BICD2: variants seen among roughly 807,000 people sequenced by gnomAD.
BICD2 encodes the protein protein bicaudal D homolog 2.
Under a neutral mutation model 72.9 loss-of-function variants are expected in BICD2, and 25 were observed. The observed-to-expected ratio is 0.34, with a 90% CI of 0.25 to 0.48. The LOEUF is 0.48. Ranked by LOEUF, BICD2 falls within the 20% of genes least tolerant of loss-of-function variation. The probability of loss-of-function intolerance (pLI) is 0.99; values close to 1 mark genes in which losing one functional copy is unlikely to be tolerated. For synonymous variants in BICD2, 501 were observed against 516.1 expected (o/e 0.97, Z 0.40); for missense variants, 894 against 1,175.2 (o/e 0.76, Z 3.50).
chr9:92,713,243 C>T lies in BICD2; in HGVS notation c.*1911G>A, dbSNP rs1204344760. The T allele has an allele frequency of 4.9e-6, 3 of 610,582 alleles. No homozygotes were observed. Among genetic ancestry groups the T allele is most frequent in the Non-Finnish European group, 8.5e-6 (3 of 352,580 alleles). 37.8% of individuals were successfully genotyped at this position (610,582 alleles called of 1,614,324 possible). A position where few individuals can be genotyped will look rare whatever the true frequency, so the allele number is the denominator to read the frequency against. ...CGGCCCATACAGAGGCCTTTCCACG[C>T]AGCAGCTCGCAGCATGCTCAACATT... On this transcript the variant is annotated 3_prime_UTR_variant, in exon 7 of 7. Transcript: ENST00000356884.
chr9:92,732,297 TCAAA>T (rs1198915836), intron 1 of BICD2, among the ~76,000 whole-genome samples: 1 of 151,724 alleles, frequency 6.6e-6, no homozygotes, highest in East Asian at 1.9e-4. Flanking sequence ...AAAGCAAGAC[TCAAA>T]CAGAGCATTG....
Position 92,713,785 on chromosome 9 carries a change from T to G in BICD2, c.*1369A>C. On this transcript the variant is annotated 3_prime_UTR_variant, in exon 7 of 7. Transcript: ENST00000356884. ...CACGCAGGGGACATACATGGGCGTG[T>G]CCTGGAGTCTGGAGGGGACCGAAAC... 8.2e-7 allele frequency: 1 copy of G among 1,224,144 alleles called. No individual in the cohort carries two copies. Among genetic ancestry groups the G allele is most frequent in the Non-Finnish European group, 1.0e-6 (1 of 970,388 alleles). 75.8% of individuals were successfully genotyped at this position (1,224,144 alleles called of 1,614,324 possible). A position where few individuals can be genotyped will look rare whatever the true frequency, so the allele number is the denominator to read the frequency against.
At chr9:92,730,365 A>G (rs1391279264) in intron 1 of BICD2, among the ~76,000 whole-genome samples, 1 of 152,254 alleles carries the variant, frequency 6.6e-6, no homozygotes, top group Non-Finnish European at 1.5e-5. Flanking sequence ...AAATCTAAGA[A>G]TTCAGTCCAA....
At chr9:92,716,527 T>A (rs1444008206) in intron 6 of BICD2, among the ~76,000 whole-genome samples, 1 of 136,346 alleles carries the variant, frequency 7.3e-6, no homozygotes, top group Non-Finnish European at 1.6e-5. Context: ...GCAGGCCCTA[T>A]GTGCATGCAG....
intron 2 of BICD2, 127 bp downstream of exon 2, chr9:92,728,897 A>C (rs1459547856): frequency 9.6e-7 from 1 of 1,039,532 alleles, no homozygotes; most frequent in Non-Finnish European, 1.4e-6. Flanking sequence ...CCAGGAAAGC[A>C]AGACAGACCA....
intron 1 of BICD2, among the ~76,000 whole-genome samples, chr9:92,731,364 G>T (rs1457399217): frequency 6.6e-6 from 1 of 152,062 alleles, no homozygotes; most frequent in Admixed American, 6.6e-5. Context: ...CTCCCAGCCT[G>T]GGGCCCAAAA....
chr9:92,720,776 T>C lies in BICD2; in HGVS notation c.607-21A>G. Reference sequence around the variant, plus strand: ...TCCACCTGGGAAGAGAAGTCAACGCTCTTGCATCAATGCAATGTGGAAGCT... The same window carrying C: ...TCCACCTGGGAAGAGAAGTCAACGCCCTTGCATCAATGCAATGTGGAAGCT... On this transcript the variant is annotated intron_variant, in intron 3 of 6. Transcript: ENST00000356884. The surrounding 1 kb of genome is among the most constrained non-coding windows in gnomAD (Gnocchi z 5.4). 6.2e-7 allele frequency: 1 copy of C among 1,607,828 alleles called. No homozygotes were observed. Among genetic ancestry groups the C allele is most frequent in the Non-Finnish European group, 8.5e-7 (1 of 1,176,442 alleles).
intron 6 of BICD2, among the ~76,000 whole-genome samples, chr9:92,717,028 C>T (rs571681660): frequency 2.0e-5 from 3 of 152,328 alleles, no homozygotes; most frequent in South Asian, 4.1e-4. Flanking sequence ...AGGTGGGACC[C>T]GAACTGTGGA....
chr9:92,758,487 G>T (rs1425314048), intron 1 of BICD2, among the ~76,000 whole-genome samples: 3 of 147,732 alleles, frequency 2.0e-5, no homozygotes, highest in Non-Finnish European at 4.4e-5. Context: ...GGGAAGCAGA[G>T]GTTACAGTGA....
rs1017065241 is a variant in BICD2 at position 92,714,407 on chromosome 9, C to T, written c.*747G>A. 12 of 985,378 alleles carry T rather than the reference C, an allele frequency of 1.2e-5. No homozygotes were observed. The highest frequency in any genetic ancestry group is 1.4e-5 in the Non-Finnish European group (12 of 829,970). The allele number at this position is 985,378 out of a possible 1,614,324, so 61.0% of individuals were successfully genotyped here. A position where few individuals can be genotyped will look rare whatever the true frequency, so the allele number is the denominator to read the frequency against. Reference sequence around the variant, plus strand: ...AAGCTTTTCTCATGAAAAATGAAAACCTGGGGCCTTGGGCCCTGCCAATCT... The same window carrying T: ...AAGCTTTTCTCATGAAAAATGAAAATCTGGGGCCTTGGGCCCTGCCAATCT... On this transcript the variant is annotated 3_prime_UTR_variant, in exon 7 of 7. Transcript: ENST00000356884.
chr9:92,755,340 G>A (rs542208891), intron 1 of BICD2, among the ~76,000 whole-genome samples: 6 of 152,242 alleles, frequency 3.9e-5, no homozygotes, highest in South Asian at 2.1e-4. Context: ...ATTTCGCCTC[G>A]GTCCTGTGGT....
intron 4 of BICD2, 71 bp from the exon 5 acceptor site, chr9:92,719,653 A>G: frequency 6.8e-7 from 1 of 1,461,968 alleles, no homozygotes; most frequent in Non-Finnish European, 9.1e-7. Flanking sequence ...GACCCCCAAG[A>G]TGGCCTAGTG....
Position 92,713,539 on chromosome 9 carries a change from C to G in BICD2, c.*1615G>C. 6.4e-7 allele frequency: 1 copy of G among 1,555,432 alleles called. No individual in the cohort carries two copies. Among genetic ancestry groups the G allele is most frequent in the Non-Finnish European group, 8.7e-7 (1 of 1,149,090 alleles). ...TTTATCTGACAATTGAAGCTCTCCA[C>G]GTGCTGGGAGGGCGCGAGCACGTTA... On this transcript the variant is annotated 3_prime_UTR_variant, in exon 7 of 7. Coordinates refer to ENST00000356884, the MANE Select transcript of BICD2 (RefSeq NM_001003800.2).
At chr9:92,751,603 A>C (rs893991602) in intron 1 of BICD2, among the ~76,000 whole-genome samples, 1 of 152,202 alleles carries the variant, frequency 6.6e-6, no homozygotes, top group African/African-American at 2.4e-5. Context: ...GAAACAATTA[A>C]GTTACTGGAT....
chr9:92,739,585 C>T (rs1178490343), intron 1 of BICD2, among the ~76,000 whole-genome samples: 3 of 152,334 alleles, frequency 2.0e-5, no homozygotes, highest in South Asian at 4.1e-4. Flanking sequence ...CAAGACCCGA[C>T]CCCCGACCAC....
chr9:92,717,953 G>C lies in BICD2; in HGVS notation c.2107-5C>G, dbSNP rs1853357091. ...GGCAAGGGCCACCTCGGCCGTCTGGGGGACAGATGTGTAGGGTGGAAAAGT... is the reference window on the plus strand; with the variant it reads ...GGCAAGGGCCACCTCGGCCGTCTGGCGGACAGATGTGTAGGGTGGAAAAGT... On this transcript the variant is annotated splice_polypyrimidine_tract_variant and splice_region_variant and intron_variant, in intron 5 of 6. Coordinates refer to ENST00000356884, the MANE Select transcript of BICD2 (RefSeq NM_001003800.2). 6.2e-7 allele frequency: 1 copy of C among 1,612,604 alleles called. No homozygotes were observed. The highest frequency in any genetic ancestry group is 8.5e-7 in the Non-Finnish European group (1 of 1,179,562).
chr9:92,718,681 C>A lies in BICD2; in HGVS notation c.1964G>T (p.Arg655Leu), dbSNP rs143242735. ...GGGGCCCAGCTCCTGAGAGGCAATG[C>A]GCTGGCGTGACAGCTCCGTGGTGCG... ...VDRTTELSRQ[R>L]IASQELGPAV... The change falls in exon 5 of 7, where the codon CGC (arginine) becomes CTC (leucine). Residue 655 changes from arginine (R) to leucine (L), a missense_variant. Arg to Leu is a moderately radical substitution (Grantham distance 102, BLOSUM62 -2). Around this residue, in one of 5 missense-constraint regions of BICD2, gnomAD observed 321 missense variants for 443.9 expected, o/e 0.72. Transcript: ENST00000356884. 7 of 1,614,124 alleles carry A rather than the reference C, an allele frequency of 4.3e-6. No homozygotes were observed. The highest frequency in any genetic ancestry group is 3.4e-6 in the Non-Finnish European group (4 of 1,180,028).
At chr9:92,721,926 C>A (rs1326044576) in intron 3 of BICD2, among the ~76,000 whole-genome samples, 1 of 152,218 alleles carries the variant, frequency 6.6e-6, no homozygotes, top group Non-Finnish European at 1.5e-5. Flanking sequence ...CTCCTCCGGG[C>A]ATAAATACCA....
chr9:92,728,148 C>T (rs752533146), intron 2 of BICD2, among the ~76,000 whole-genome samples: 2 of 152,210 alleles, frequency 1.3e-5, no homozygotes, highest in Admixed American at 1.3e-4. Flanking sequence ...TCAAACTACA[C>T]AGGTTCCAGG....
Sources: gnomAD v4.1 joint callset for allele counts (sites outside exome capture counted in the v4.1 genomes callset) on GRCh38, gnomAD v4.1.1 for gene constraint, gnomAD v4.1.1 regional missense constraint, Gnocchi (gnomAD v3.1) non-coding constraint, MANE v1.5 for transcripts, NCBI Gene and HGNC (gene_info 2026-07-23, HGNC 2026-07-21) for gene names.